Variants in DDHD1 observed in about 807,000 individuals in gnomAD.
DDHD1 encodes DDHD domain containing 1, also known as phospholipase DDHD1.
A neutral mutation model predicts 96.4 loss-of-function variants in DDHD1; 49 were observed. The observed-to-expected ratio is 0.51, with a 90% CI of 0.40 to 0.64. DDHD1 has a LOEUF of 0.64. Among genes scored for constraint, DDHD1 ranks in the 30% least tolerant of loss-of-function variants. DDHD1 has a pLI of 0.00. For synonymous variants in DDHD1, 442 were observed against 446.5 expected, an observed-to-expected ratio of 0.99 and a Z score of 0.13; for missense variants, 1,106 against 1,161.2, an observed-to-expected ratio of 0.95 and a Z score of 0.69.
chr14:53,082,449 T>G (rs1885559478), intron 4 of DDHD1, among the ~76,000 whole-genome samples: 1 of 150,310 alleles, frequency 6.7e-6, no homozygotes, highest in Non-Finnish European at 1.5e-5. Flanking sequence ...TACCTTTTTT[T>G]TTTTTTTTTT....
At chr14:53,115,145 C>T (rs1888445236) in intron 1 of DDHD1, among the ~76,000 whole-genome samples, 1 of 151,906 alleles carries the variant, frequency 6.6e-6, no homozygotes, top group African/African-American at 2.4e-5. Flanking sequence ...GATCACCTGA[C>T]TGAAACAAGG....
intron 2 of DDHD1, chr14:53,103,453 A>T (rs1745058098): frequency 9.5e-6 from 4 of 421,932 alleles, no homozygotes; most frequent in Non-Finnish European, 1.7e-5. Flanking sequence ...ATTTATAGTA[A>T]ACTGTGTTAA....
chr14:53,120,226 G>C (rs1376513917), intron 1 of DDHD1, among the ~76,000 whole-genome samples: 1 of 152,002 alleles, frequency 6.6e-6, no homozygotes, highest in Non-Finnish European at 1.5e-5. Flanking sequence ...AGAATATCTA[G>C]GAATACAACT....
At chr14:53,136,902 G>A (rs979106933) in intron 1 of DDHD1, among the ~76,000 whole-genome samples, 2 of 152,246 alleles carry the variant, frequency 1.3e-5, no homozygotes, top group African/African-American at 2.4e-5. Context: ...ATGCCTAACA[G>A]GTATCCAAAG....
At chr14:53,083,873 C>T (rs1007040662) in intron 4 of DDHD1, among the ~76,000 whole-genome samples, 4 of 152,078 alleles carry the variant, frequency 2.6e-5, no homozygotes, top group African/African-American at 4.8e-5. Flanking sequence ...AACCTGTCTA[C>T]GAAGAAATGA....
chr14:53,076,062 T>C (rs141480736), intron 4 of DDHD1, among the ~76,000 whole-genome samples: 4 of 152,182 alleles, frequency 2.6e-5, no homozygotes, highest in Non-Finnish European at 4.4e-5. Context: ...CAATATCCAC[T>C]CTGCAGCCCA....
intron 5 of DDHD1, 33 bp from the exon 6 acceptor site, chr14:53,072,736 T>A: frequency 4.1e-6 from 6 of 1,455,666 alleles, no homozygotes; most frequent in Non-Finnish European, 5.7e-6. Flanking sequence ...CAAGTTAACT[T>A]ATAGAAAGTC....
At chr14:53,077,341 G>C (rs1473674822) in intron 4 of DDHD1, among the ~76,000 whole-genome samples, 3 of 152,044 alleles carry the variant, frequency 2.0e-5, no homozygotes, top group African/African-American at 7.2e-5. Context: ...TTTGTTTATA[G>C]GCTTATACTT....
At chr14:53,054,795 T>C (rs1882897806) in intron 10 of DDHD1, among the ~76,000 whole-genome samples, 166 bp from the exon 11 acceptor site, 1 of 152,120 alleles carries the variant, frequency 6.6e-6, no homozygotes, top group African/African-American at 2.4e-5. Flanking sequence ...GGTTTCTAAA[T>C]AAAAATGGTG....
chr14:53,143,113 TAGA>T (rs994114714), intron 1 of DDHD1, among the ~76,000 whole-genome samples: 3 of 152,228 alleles, frequency 2.0e-5, no homozygotes, highest in Admixed American at 1.3e-4. Flanking sequence ...CCACGTTTTA[TAGA>T]AGAAGAAACT....
At chr14:53,123,005 C>T (rs924619822) in intron 1 of DDHD1, among the ~76,000 whole-genome samples, 10 of 151,502 alleles carry the variant, frequency 6.6e-5, no homozygotes, top group East Asian at 1.9e-4. Context: ...TCAGATTCAC[C>T]GGTAATGAGA....
intron 1 of DDHD1, 110 bp downstream of exon 1, chr14:53,152,151 C>G (rs893972852): frequency 1.3e-5 from 15 of 1,132,986 alleles, no homozygotes; most frequent in African/African-American, 3.2e-5. Flanking sequence ...AGCCAAACGC[C>G]AGGCCTCACG....
chr14:53,106,750 A>T (rs1251261038), intron 1 of DDHD1, among the ~76,000 whole-genome samples: 1 of 152,208 alleles, frequency 6.6e-6, no homozygotes, highest in African/African-American at 2.4e-5. Flanking sequence ...AAAAGTCTTT[A>T]AAATCTAATA....
At chr14:53,070,845 ATACT>A (rs1884447933) in intron 6 of DDHD1, among the ~76,000 whole-genome samples, 1 of 152,160 alleles carries the variant, frequency 6.6e-6, no homozygotes, top group Non-Finnish European at 1.5e-5. Context: ...AATCCATTCC[ATACT>A]TAGTTTTTCA....
chr14:53,082,132 GTGC>G (rs1885519278), intron 4 of DDHD1, among the ~76,000 whole-genome samples: 1 of 152,164 alleles, frequency 6.6e-6, no homozygotes, highest in South Asian at 2.1e-4. Context: ...ACCCATTACT[GTGC>G]TGCTATGCAT....
At chr14:53,071,499 T>C (rs575557031) in intron 6 of DDHD1, among the ~76,000 whole-genome samples, 2 of 152,222 alleles carry the variant, frequency 1.3e-5, no homozygotes, top group South Asian at 4.1e-4. Context: ...CCTTGTACAG[T>C]ATCTTATACG....
At chr14:53,139,843 CA>C (rs56999105) in intron 1 of DDHD1, among the ~76,000 whole-genome samples, 67,386 of 130,910 alleles carry the variant, frequency 0.51, 17,508 homozygotes, top group East Asian at 0.9. Flanking sequence ...CAAGAGACCA[CA>C]AAAAAAAAAA....
At chr14:53,083,250 A>C (rs1885649324) in intron 4 of DDHD1, among the ~76,000 whole-genome samples, 1 of 152,136 alleles carries the variant, frequency 6.6e-6, no homozygotes, top group Admixed American at 6.5e-5. Context: ...GAATAAGATA[A>C]GCTCATGTGT....
intron 1 of DDHD1, among the ~76,000 whole-genome samples, chr14:53,135,860 G>T (rs1033323438): frequency 4.6e-5 from 7 of 152,180 alleles, no homozygotes; most frequent in Non-Finnish European, 7.3e-5. Context: ...AAAGACAGAA[G>T]AGGACAGTGA....
Sources: gnomAD v4.1 joint callset for allele counts (sites outside exome capture counted in the v4.1 genomes callset) on GRCh38, gnomAD v4.1.1 for gene constraint, MANE v1.5 for transcripts, NCBI Gene and HGNC (gene_info 2026-07-23, HGNC 2026-07-21) for gene names.